MYBL2: variants seen among roughly 807,000 people sequenced by gnomAD.
MYBL2 encodes the protein myb-related protein B.
A neutral mutation model predicts 79.9 loss-of-function variants in MYBL2; 28 were observed. That is an observed-to-expected ratio of 0.35 (90% CI 0.26 to 0.48). The LOEUF is 0.48. Ranked by LOEUF, MYBL2 falls within the 20% of genes least tolerant of loss-of-function variation. MYBL2 has a pLI of 0.99. For synonymous variants in MYBL2, 378 were observed against 361.2 expected (o/e 1.05, Z -0.53); for missense variants, 735 against 893.9 (o/e 0.82, Z 2.27).
At chr20:43,674,174 A>G (rs1208770420) in intron 2 of MYBL2, among the ~76,000 whole-genome samples, 1 of 130,254 alleles carries the variant, frequency 7.7e-6, no homozygotes, top group Admixed American at 8.5e-5. Flanking sequence ...ATGGACATTG[A>G]TTGTGCTTTT....
intron 1 of MYBL2, 82 bp downstream of exon 1, chr20:43,667,385 C>G: frequency 4.9e-6 from 5 of 1,019,522 alleles, no homozygotes; most frequent in Non-Finnish European, 6.3e-6. Flanking sequence ...CGACCCTCCC[C>G]AGGCTCCCAC....
At chr20:43,682,036 G>T (rs73907902) in intron 3 of MYBL2, among the ~76,000 whole-genome samples, 181 bp downstream of exon 3, 1,671 of 152,294 alleles carry the variant, frequency 0.011, 23 homozygotes, top group African/African-American at 0.03. Context: ...TGGCATTCAG[G>T]GTACACTGCT....
At position 43,716,278 on chromosome 20, in the gene MYBL2, C is replaced by G. The variant is rs1346598440; in HGVS notation, c.*191C>G. ...TTGCCGAGCCCAGCTGTGGGCGGCT[C>G]CTGGTGCTAACAACAAAGTTCCACT... On this transcript the variant is annotated 3_prime_UTR_variant, in exon 14 of 14. Transcript: ENST00000217026. The G allele has an allele frequency of 1.2e-6, 1 of 815,488 alleles. No homozygotes were observed. The highest frequency in any genetic ancestry group is 1.8e-6 in the Non-Finnish European group (1 of 548,750). The allele number at this position is 815,488 out of a possible 1,614,324, so 50.5% of individuals were successfully genotyped here.
In MYBL2 at chr20:43,710,078, G is replaced by A. The variant is rs143361595; in HGVS notation, c.1605+16G>A. 2,352 of 1,579,632 alleles carry A rather than the reference G, an allele frequency of 1.5e-3. 25 individuals carry two copies. In the African/African-American group the frequency reaches 0.027, roughly 18 times the overall value. On this transcript the variant is annotated intron_variant, in intron 10 of 13. Transcript: ENST00000217026. ...GAAGCCCCTGGTACGTGGTGTGGTC[G>A]CTGCCGTGGATCTCTGCACAGTGGG...
chr20:43,710,683 GTCTC>G (rs1987885637), intron 10 of MYBL2, among the ~76,000 whole-genome samples: 1 of 152,192 alleles, frequency 6.6e-6, no homozygotes, highest in Non-Finnish European at 1.5e-5. Flanking sequence ...TCCCCCTGCT[GTCTC>G]TCTCCACTGC....
chr20:43,695,977 T>C (rs190901914), intron 6 of MYBL2, among the ~76,000 whole-genome samples: 211 of 152,036 alleles, frequency 1.4e-3, no homozygotes, highest in African/African-American at 4.7e-3. Context: ...GAGTTCGCAC[T>C]GCTGCACTCC....
intron 9 of MYBL2, among the ~76,000 whole-genome samples, chr20:43,707,792 T>C (rs1987825091): frequency 6.6e-6 from 1 of 152,196 alleles, no homozygotes; most frequent in South Asian, 2.1e-4. Context: ...CATATCAGAC[T>C]AAAGATTCAA....
chr20:43,702,108 C>T (rs1263522591), intron 7 of MYBL2, among the ~76,000 whole-genome samples: 1 of 152,050 alleles, frequency 6.6e-6, no homozygotes, highest in East Asian at 1.9e-4. Context: ...GCCTGGGCGA[C>T]AGAGCAAGTC....
intron 5 of MYBL2, among the ~76,000 whole-genome samples, chr20:43,691,005 A>G (rs1987393619): frequency 6.6e-6 from 1 of 152,186 alleles, no homozygotes; most frequent in Non-Finnish European, 1.5e-5. Context: ...GCTTTATGCT[A>G]CTGTTCTACT....
intron 1 of MYBL2, among the ~76,000 whole-genome samples, chr20:43,672,412 G>C (rs1986888367): frequency 7.4e-6 from 1 of 134,504 alleles, no homozygotes; most frequent in African/African-American, 2.8e-5. Context: ...GTAGCATACT[G>C]AGACCCTGTC....
intron 6 of MYBL2, among the ~76,000 whole-genome samples, chr20:43,698,080 T>TTTTTTTTTTTTG (rs149530290): frequency 1.3e-4 from 16 of 122,512 alleles, no homozygotes; most frequent in African/African-American, 1.8e-4. Flanking sequence ...TTTTTTTTTT[T>TTTTTTTTTTTTG]ATCTTGTTAC....
intron 11 of MYBL2, 46 bp downstream of exon 11, chr20:43,711,647 C>A (rs756193723): frequency 1.9e-6 from 3 of 1,542,866 alleles, no homozygotes; most frequent in Non-Finnish European, 2.6e-6. Context: ...GGAATTGGAG[C>A]CGTGGCATGG....
intron 2 of MYBL2, among the ~76,000 whole-genome samples, chr20:43,679,358 A>G (rs1345251689): frequency 3.9e-5 from 6 of 152,210 alleles, no homozygotes; most frequent in African/African-American, 9.6e-5. Context: ...CTTTAAATTT[A>G]TCCCCTTTTC....
chr20:43,702,362 C>T, intron 7 of MYBL2, 128 bp from the exon 8 acceptor site: 1 of 1,034,002 alleles, frequency 9.7e-7, no homozygotes, highest in Non-Finnish European at 1.4e-6. Context: ...TGAGGAAATG[C>T]ATGAAATATT....
Position 43,711,614 on chromosome 20 carries a change from G to C in MYBL2, c.1719+13G>C. On this transcript the variant is annotated intron_variant, in intron 11 of 13. Coordinates refer to ENST00000217026, the MANE Select transcript of MYBL2 (RefSeq NM_002466.4). Reference sequence around the variant, plus strand: ...GAGGAAGCCTGGGGTGAGTAGGGTAGGGGTGGGAGAGCCTGGGCAGGGGGA... The same window carrying C: ...GAGGAAGCCTGGGGTGAGTAGGGTACGGGTGGGAGAGCCTGGGCAGGGGGA... 6.2e-7 allele frequency: 1 copy of C among 1,605,726 alleles called. No individual in the cohort carries two copies. The highest frequency in any genetic ancestry group is 8.5e-7 in the Non-Finnish European group (1 of 1,175,814).
At chr20:43,683,303 CCTT>C (rs1172821327) in intron 4 of MYBL2, among the ~76,000 whole-genome samples, 1 of 152,180 alleles carries the variant, frequency 6.6e-6, no homozygotes, top group Non-Finnish European at 1.5e-5. Flanking sequence ...GGCACAGATG[CCTT>C]CTTTTGATCG....
chr20:43,714,298 A>C (rs1435285753), intron 12 of MYBL2, among the ~76,000 whole-genome samples: 1 of 152,186 alleles, frequency 6.6e-6, no homozygotes. Context: ...TTGGGGTTGA[A>C]GCTGCGTCTT....
At chr20:43,711,693 C>A in intron 11 of MYBL2, 92 bp downstream of exon 11, 3 of 1,163,310 alleles carry the variant, frequency 2.6e-6, no homozygotes, top group Non-Finnish European at 2.5e-6. Flanking sequence ...GAAAGTGAGG[C>A]GCTGGGGAGA....
intron 1 of MYBL2, among the ~76,000 whole-genome samples, chr20:43,668,291 C>G (rs1986772956): frequency 6.7e-6 from 1 of 150,294 alleles, no homozygotes; most frequent in Non-Finnish European, 1.5e-5. Flanking sequence ...ACCTCCGCCT[C>G]CCAGGTTCAA....
Sources: gnomAD v4.1 joint callset for allele counts (sites outside exome capture counted in the v4.1 genomes callset) on GRCh38, gnomAD v4.1.1 for gene constraint, MANE v1.5 for transcripts, NCBI Gene and HGNC (gene_info 2026-07-23, HGNC 2026-07-21) for gene names.